Variants in PCSK7 observed in about 807,000 individuals in gnomAD.
PCSK7 encodes the protein lymphoma proprotein convertase.
PCSK7 carries 38 observed loss-of-function variants against 73.3 expected under a neutral mutation model. That is an observed-to-expected ratio of 0.52 (90% CI 0.40 to 0.68). The LOEUF (loss-of-function observed/expected upper bound fraction) is 0.68, where lower values mean the gene tolerates loss of function less well. PCSK7 is among the 30% of genes least tolerant of loss of function. PCSK7 has a pLI of 0.00. For missense variants in PCSK7, 692 were observed against 991.5 expected, an observed-to-expected ratio of 0.70 and a Z score of 4.06; for synonymous variants, 296 against 383.8, an observed-to-expected ratio of 0.77 and a Z score of 2.68.
Position 117,222,993 on chromosome 11 carries a change from C to A in PCSK7, c.1155+215G>T, listed in dbSNP as rs1284697369. On this transcript the variant is annotated intron_variant, in intron 9 of 16. Coordinates refer to ENST00000320934, the MANE Select transcript of PCSK7 (RefSeq NM_004716.4). Reference sequence around the variant, plus strand: ...AAAATATGTATATTCGTCCTAAATCCAAATTTCTAAGATAAAAGCATTCCC... The same window carrying A: ...AAAATATGTATATTCGTCCTAAATCAAAATTTCTAAGATAAAAGCATTCCC... 1.8e-5 allele frequency: 10 copies of A among 551,568 alleles called. No homozygotes were observed. In the East Asian group the frequency reaches 2.7e-4, roughly 15 times the overall value. 34.2% of individuals were successfully genotyped at this position (551,568 alleles called of 1,614,324 possible).
chr11:117,214,992 T>G (rs527618749), intron 12 of PCSK7: 1 of 152,110 alleles, frequency 6.6e-6, no homozygotes, highest in East Asian at 1.9e-4. Flanking sequence ...TACCCTCAGG[T>G]AGAGATTTCA....
intron 6 of PCSK7, chr11:117,225,020 T>C (rs1309865327): frequency 5.1e-6 from 2 of 392,584 alleles, no homozygotes; most frequent in Non-Finnish European, 9.4e-6. Flanking sequence ...CAGAGGTCAC[T>C]CATCTCCTGA....
At position 117,218,247 on chromosome 11, in the gene PCSK7, C is replaced by A; in HGVS notation, c.1534+219G>T. On this transcript the variant is annotated intron_variant, in intron 12 of 16. Coordinates refer to ENST00000320934, the MANE Select transcript of PCSK7 (RefSeq NM_004716.4). This position sits in a 1 kb window ranked among gnomAD's most constrained non-coding sequence, Gnocchi z 4.0. ...TCAGTTGCTCTGCTGCTCCTTTTCA[C>A]TACTAGGAACCCAGGAGAAAGGTCT... 1 of 215,302 alleles carries A rather than the reference C, an allele frequency of 4.6e-6. No homozygotes were observed. Among genetic ancestry groups the A allele is most frequent in the Non-Finnish European group, 9.3e-6 (1 of 107,580 alleles). 13.3% of individuals were successfully genotyped at this position (215,302 alleles called of 1,614,324 possible).
chr11:117,223,985 C>G, intron 8 of PCSK7, 93 bp downstream of exon 8: 1 of 1,301,794 alleles, frequency 7.7e-7, no homozygotes, highest in East Asian at 2.3e-5. Flanking sequence ...TGTGCTCACA[C>G]ATTTAGACAC....
rs2032275139 is a variant in PCSK7, at chr11:117,223,220, C to T, written c.1143G>A (p.Met381Ile). The change falls in exon 9 of 17, where the codon ATG becomes ATA. Residue 381 changes from methionine to isoleucine, a missense_variant. Met to Ile is a conservative substitution (Grantham distance 10). Coordinates refer to ENST00000320934, the MANE Select transcript of PCSK7 (RefSeq NM_004716.4). ...GGGAGGCACTCACAATGCTCCGAAG[C>T]ATCTTGTCCCCACCACTGAAGGTGA... ...LAVTFSGGDK[M>I]LRSIVTTDWD... The T allele has an allele frequency of 6.2e-7, 1 of 1,610,132 alleles. No individual in the cohort carries two copies. Among genetic ancestry groups the T allele is most frequent in the Non-Finnish European group, 8.5e-7 (1 of 1,176,522 alleles).
At chr11:117,229,291 C>T (rs1033069391) in intron 3 of PCSK7, 86 bp downstream of exon 3, 1 of 1,019,578 alleles carries the variant, frequency 9.8e-7, no homozygotes, top group Non-Finnish European at 1.5e-6. Context: ...ATGGAGGTGA[C>T]TGAAGAGTGA....
Position 117,223,244 on chromosome 11 carries a change from G to A in PCSK7, c.1119C>T (p.Val373=). Residue 373 remains valine (V), a synonymous_variant, in exon 9 of 17, where the codon GTC becomes GTT. Transcript: ENST00000320934. ...YAEECASMLA[V]TFSGGDKMLR... ...GCATCTTGTCCCCACCACTGAAGGT[G>A]ACTGCCAGCATGGAGGCACATTCTT... is the stretch of plus-strand genomic sequence containing the variant. 6.2e-7 allele frequency: 1 copy of A among 1,613,632 alleles called. No individual in the cohort carries two copies. Among genetic ancestry groups the A allele is most frequent in the South Asian group, 1.1e-5 (1 of 91,064 alleles).
Position 117,219,612 on chromosome 11 carries a change from G to C in PCSK7, c.1302C>G (p.Ile434Met), listed in dbSNP as rs1301692352. ...TCACCCGGGTGGCTGTGAAGACAAT[G>C]ATGTGCTGGACGTCACGCCACGTGA... ...PCLTWRDVQH[I>M]IVFTATRYED... Residue 434 changes from isoleucine to methionine, a missense_variant, in exon 10 of 17, where the codon ATC (isoleucine) becomes ATG (methionine). By Grantham distance (10) the Ile-to-Met change is conservative. Coordinates refer to ENST00000320934, the MANE Select transcript of PCSK7 (RefSeq NM_004716.4). 2.5e-6 allele frequency: 4 copies of C among 1,612,828 alleles called. No homozygotes were observed. Among genetic ancestry groups the C allele is most frequent in the Admixed American group, 3.3e-5 (2 of 59,778 alleles).
In PCSK7 at chr11:117,229,283, G is replaced by T. The variant is rs541234337; in HGVS notation, c.468+94C>A. ...GGAAATGGTCCCTCAGGCAAAGGAT[G>T]GAGGTGACTGAAGAGTGATATAGTC... On this transcript the variant is annotated intron_variant, in intron 3 of 16. Coordinates refer to ENST00000320934, the MANE Select transcript of PCSK7 (RefSeq NM_004716.4). 3.2e-6 allele frequency: 3 copies of T among 935,534 alleles called. No homozygotes were observed. In the African/African-American group the frequency reaches 4.9e-5, roughly 15 times the overall value. The allele number at this position is 935,534 out of a possible 1,614,324, so 58.0% of individuals were successfully genotyped here.
Position 117,204,450 on chromosome 11 carries a change from A to G in PCSK7, c.*1547T>C. ...CCTGCCTCACCCACACCCGTGTGGT[A>G]CCTTCAGCCCTGGCCAAGCTTTGAG... On this transcript the variant is annotated 3_prime_UTR_variant, in exon 17 of 17. Transcript: ENST00000320934. 1 of 1,577,958 alleles carries G rather than the reference A, an allele frequency of 6.3e-7. No individual in the cohort carries two copies. The highest frequency in any genetic ancestry group is 1.1e-5 in the South Asian group (1 of 88,654).
At position 117,223,230 on chromosome 11, in the gene PCSK7, C is replaced by T; in HGVS notation, c.1133G>A (p.Gly378Glu). Residue 378 changes from glycine to glutamate, a missense_variant, in exon 9 of 17, where the codon GGG becomes GAG. By Grantham distance (98) the Gly-to-Glu change is moderately conservative. This residue lies in a region of PCSK7 where 574 missense variants were observed against 689.8 expected (regional missense o/e 0.83). Transcript: ENST00000320934. ...CACAATGCTCCGAAGCATCTTGTCCCCACCACTGAAGGTGACTGCCAGCAT... is the reference window on the plus strand; with the variant it reads ...CACAATGCTCCGAAGCATCTTGTCCTCACCACTGAAGGTGACTGCCAGCAT... The part of the protein sequence containing the change: ...ASMLAVTFSG[G>E]DKMLRSIVTT... 3 of 1,612,878 alleles carry T rather than the reference C, an allele frequency of 1.9e-6. No individual in the cohort carries two copies. Among genetic ancestry groups the T allele is most frequent in the Non-Finnish European group, 2.5e-6 (3 of 1,178,908 alleles).
rs767524122 is a variant in PCSK7, at chr11:117,219,043, CA to C, written c.1431+13del. ...CTCCACACAGGGCACCCTGCCCTGC[CA>C]ACACCTGTTCACCTTGGCTGCATTC... On this transcript the variant is annotated intron_variant, in intron 11 of 16. Coordinates refer to ENST00000320934, the MANE Select transcript of PCSK7 (RefSeq NM_004716.4). The C allele has an allele frequency of 4.4e-6, 7 of 1,590,426 alleles. No individual in the cohort carries two copies. Among genetic ancestry groups the C allele is most frequent in the Non-Finnish European group, 6.0e-6 (7 of 1,165,956 alleles).
At chr11:117,229,888 T>C (rs769005093) in intron 2 of PCSK7, 32 bp from the exon 3 acceptor site, 8 of 1,280,154 alleles carry the variant, frequency 6.2e-6, no homozygotes, top group Non-Finnish European at 8.5e-6. Context: ...ATGGAAGAGA[T>C]CAAAGAGCTG....
chr11:117,227,088 G>A lies in PCSK7; in HGVS notation c.769+69C>T, dbSNP rs540755013. ...GGATAAAGATGTTTCAGAGTAGGGA[G>A]GGGTGCAGGAAATGAAGACTGTGGT... On this transcript the variant is annotated intron_variant, in intron 5 of 16. Transcript: ENST00000320934. The A allele has an allele frequency of 2.3e-5, 28 of 1,238,722 alleles. No individual in the cohort carries two copies. The African/African-American group carries it at 3.6e-4, about 16-fold the overall frequency. The allele number at this position is 1,238,722 out of a possible 1,614,324, so 76.7% of individuals were successfully genotyped here.
chr11:117,213,680 CGTTCGCA>C (rs1565306324), intron 12 of PCSK7: 1 of 152,136 alleles, frequency 6.6e-6, no homozygotes. Flanking sequence ...TGCTTGTCTG[CGTTCGCA>C]GTGTACGCAG....
At chr11:117,216,456 T>TG (rs1456907661) in intron 12 of PCSK7, 1 of 150,138 alleles carries the variant, frequency 6.7e-6, no homozygotes, top group Non-Finnish European at 1.5e-5. Flanking sequence ...TTTTTTTTTT[T>TG]GAGATGGAGT....
intron 12 of PCSK7, chr11:117,215,385 T>C (rs1417991147): frequency 1.3e-5 from 1 of 76,944 alleles, no homozygotes; most frequent in African/African-American, 9.6e-5. Context: ...TGTGTGTATA[T>C]ATATATATAT....
Position 117,216,432 on chromosome 11 carries a change from A to ATTTTTTTTTTTTTT in PCSK7, c.1534+2033_1534+2034insAAAAAAAAAAAAAA, listed in dbSNP as rs761129566. 1.0e-4 allele frequency: 12 copies of ATTTTTTTTTTTTTT among 115,824 alleles called. 5 individuals are homozygous for ATTTTTTTTTTTTTT. Among genetic ancestry groups the ATTTTTTTTTTTTTT allele is most frequent in the African/African-American group, 2.4e-4 (6 of 25,266 alleles). 7.2% of individuals were successfully genotyped at this position (115,824 alleles called of 1,614,324 possible). ...CCTGGGACTGAGCTGCTCAACTCTC[A>ATTTTTTTTTTTTTT]ATTTTTTTTTTTTTTTTTTTTTTTG... On this transcript the variant is annotated intron_variant, in intron 12 of 16. Coordinates refer to ENST00000320934, the MANE Select transcript of PCSK7 (RefSeq NM_004716.4).
rs1466474384 is a variant in PCSK7 at position 117,205,407 on chromosome 11, C to T, written c.*590G>A. 8.6e-6 allele frequency: 2 copies of T among 233,612 alleles called. No homozygotes were observed. The highest frequency in any genetic ancestry group is 6.0e-5 in the East Asian group (1 of 16,596). 14.5% of individuals were successfully genotyped at this position (233,612 alleles called of 1,614,324 possible). On this transcript the variant is annotated 3_prime_UTR_variant, in exon 17 of 17. Transcript: ENST00000320934. ...GATTCCCTAGTGAAGCAGCTCAGGC[C>T]TGGGGGAGCCGTGTGTATCCCAGCT...
Sources: allele counts gnomAD v4.1 joint callset, GRCh38; gene constraint gnomAD v4.1.1; regional missense constraint gnomAD v4.1.1; non-coding constraint Gnocchi (gnomAD v3.1); transcripts MANE v1.5; gene names NCBI Gene and HGNC (gene_info 2026-07-23, HGNC 2026-07-21).